The following ZFPM2 variants were observed in gnomAD, a reference collection of about 807,000 sequenced individuals.
ZFPM2 encodes the protein zinc finger protein, FOG family member 2, also known as zinc finger protein ZFPM2.
ZFPM2 carries 20 observed loss-of-function variants against 98.6 expected under a neutral mutation model. That is an observed-to-expected ratio of 0.20 (90% CI 0.14 to 0.29). ZFPM2 has a LOEUF of 0.29. Among genes scored for constraint, ZFPM2 ranks in the 10% least tolerant of loss-of-function variants. The pLI is 1.00. For synonymous variants in ZFPM2, 518 were observed against 502.7 expected (o/e 1.03, Z -0.41); for missense variants, 1,310 against 1,388.6 (o/e 0.94, Z 0.90).
rs1371344490 is a variant in ZFPM2 at position 105,554,750 on chromosome 8, T to G, written c.302-6613T>G. Among the ~76,000 whole-genome samples the G allele has an allele frequency of 2.6e-5, 4 of 152,220 alleles. No homozygotes were observed. In the East Asian group the frequency reaches 5.8e-4, roughly 22 times the overall value. On this transcript the variant is annotated intron_variant, in intron 3 of 7. Coordinates refer to ENST00000407775, the MANE Select transcript of ZFPM2 (RefSeq NM_012082.4). The stretch of plus-strand genomic sequence containing the variant: ...ATCTGAGCCTTGAGTTAAGGGTCGT[T>G]CTGTAATTACCTTATATGTTTATAT...
At chr8:105,459,753 T>G (rs1250200013) in intron 3 of ZFPM2, among the ~76,000 whole-genome samples, 4 of 152,170 alleles carry the variant, frequency 2.6e-5, no homozygotes, top group African/African-American at 9.7e-5. Flanking sequence ...CCTCTCCTTA[T>G]GATCTCATTT....
At chr8:105,613,139 A>G (rs1472959251) in intron 4 of ZFPM2, among the ~76,000 whole-genome samples, 1 of 152,168 alleles carries the variant, frequency 6.6e-6, no homozygotes, top group Non-Finnish European at 1.5e-5. Flanking sequence ...AGCAGGCAAA[A>G]TAGGTGATTG....
intron 5 of ZFPM2, among the ~76,000 whole-genome samples, chr8:105,649,064 T>C (rs1446591316): frequency 6.6e-6 from 1 of 152,170 alleles, no homozygotes; most frequent in Non-Finnish European, 1.5e-5. Flanking sequence ...TGAGCAGTGG[T>C]TTGTAGTTCT....
chr8:105,385,347 T>C (rs1312536507), intron 1 of ZFPM2, among the ~76,000 whole-genome samples: 2 of 152,196 alleles, frequency 1.3e-5, no homozygotes, highest in Non-Finnish European at 2.9e-5. Context: ...GTAGTGGAAA[T>C]ATTTGGGCTT....
rs1009557275 is a variant in ZFPM2, at chr8:105,802,754, A to G, written c.2672A>G (p.Asp891Gly). The stretch of plus-strand genomic sequence containing the variant: ...CAGCGTAATGACCTGGGTCAACTGG[A>G]CGGCAAAGTGTTTCCGAATCCAGAA... ...AHQRNDLGQL[D>G]GKVFPNPESE... The change falls in exon 8 of 8, where the codon GAC (aspartate) becomes GGC (glycine). Residue 891 changes from aspartate (D) to glycine (G), a missense_variant. Coordinates refer to ENST00000407775, the MANE Select transcript of ZFPM2 (RefSeq NM_012082.4). The G allele has an allele frequency of 4.3e-6, 7 of 1,613,616 alleles. No homozygotes were observed. Among genetic ancestry groups the G allele is most frequent in the Non-Finnish European group, 5.9e-6 (7 of 1,179,782 alleles).
chr8:105,548,142 A>G (rs4734122), intron 3 of ZFPM2, among the ~76,000 whole-genome samples: 103,128 of 151,690 alleles, frequency 0.68, 36,685 homozygotes, highest in African/African-American at 0.92. Flanking sequence ...ATAGGAATAA[A>G]TGGTGAAAAG....
At position 105,511,881 on chromosome 8, in the gene ZFPM2, C is replaced by T. The variant is rs1586427046; in HGVS notation, c.302-49482C>T. ...GCACCACAGGTCAGACGGGGTGGTTCGTGCCTGTAATCCCAGCACTTTGGG... is the reference window on the plus strand; with the variant it reads ...GCACCACAGGTCAGACGGGGTGGTTTGTGCCTGTAATCCCAGCACTTTGGG... On this transcript the variant is annotated intron_variant, in intron 3 of 7. Coordinates refer to ENST00000407775, the MANE Select transcript of ZFPM2 (RefSeq NM_012082.4). Among the ~76,000 whole-genome samples the T allele has an allele frequency of 3.3e-5, 5 of 152,274 alleles. No homozygotes were observed. In the South Asian group the frequency reaches 8.3e-4, roughly 25 times the overall value.
chr8:105,529,423 G>A (rs1409793284), intron 3 of ZFPM2, among the ~76,000 whole-genome samples: 1 of 151,992 alleles, frequency 6.6e-6, no homozygotes, highest in Non-Finnish European at 1.5e-5. Flanking sequence ...TATACTATAT[G>A]TACATTATTA....
intron 3 of ZFPM2, among the ~76,000 whole-genome samples, chr8:105,485,082 CTT>C (rs1022381677): frequency 1.3e-5 from 2 of 152,162 alleles, no homozygotes; most frequent in Non-Finnish European, 2.9e-5. Context: ...TCCCTGGTAA[CTT>C]TATACATTGG....
chr8:105,398,137 A>G (rs967739164), intron 1 of ZFPM2, among the ~76,000 whole-genome samples: 3 of 152,204 alleles, frequency 2.0e-5, no homozygotes, highest in African/African-American at 4.8e-5. Flanking sequence ...AACTTTACTT[A>G]GATCATTCAT....
At chr8:105,406,865 CATA>C (rs1288149933) in intron 1 of ZFPM2, among the ~76,000 whole-genome samples, 1 of 151,922 alleles carries the variant, frequency 6.6e-6, no homozygotes, top group Non-Finnish European at 1.5e-5. Flanking sequence ...TAGTAGGCAC[CATA>C]ATATTTTTCT....
At chr8:105,403,300 A>G (rs1811375687) in intron 1 of ZFPM2, among the ~76,000 whole-genome samples, 3 of 151,952 alleles carry the variant, frequency 2.0e-5, no homozygotes, top group Admixed American at 2.0e-4. Flanking sequence ...CAGCTCTATA[A>G]TCCGTCTTCC....
At chr8:105,527,593 C>T (rs1276389597) in intron 3 of ZFPM2, among the ~76,000 whole-genome samples, 5 of 152,156 alleles carry the variant, frequency 3.3e-5, no homozygotes, top group Admixed American at 6.5e-5. Context: ...GGCAGAATGC[C>T]CTTTTTGTAG....
intron 5 of ZFPM2, among the ~76,000 whole-genome samples, chr8:105,655,522 C>T (rs6983803): frequency 0.48 from 72,627 of 151,964 alleles, 17,655 homozygotes; most frequent in African/African-American, 0.57. Flanking sequence ...TCAGCCACCA[C>T]CCCCAGCCTG....
chr8:105,652,049 T>G (rs1340081227), intron 5 of ZFPM2, among the ~76,000 whole-genome samples: 4 of 151,932 alleles, frequency 2.6e-5, no homozygotes, highest in Non-Finnish European at 5.9e-5. Flanking sequence ...AAAACCTACA[T>G]AGATGCAAAA....
chr8:105,378,700 A>C (rs1810780944), intron 1 of ZFPM2, among the ~76,000 whole-genome samples: 1 of 152,150 alleles, frequency 6.6e-6, no homozygotes, highest in Admixed American at 6.5e-5. Context: ...ACTGTTGGGG[A>C]GGTTTTATTT....
At chr8:105,671,293 G>C (rs1817589058) in intron 5 of ZFPM2, among the ~76,000 whole-genome samples, 1 of 151,702 alleles carries the variant, frequency 6.6e-6, no homozygotes, top group East Asian at 1.9e-4. Context: ...ATTTAAGTAG[G>C]TTAAAATGTT....
At chr8:105,513,310 G>A (rs562754475) in intron 3 of ZFPM2, among the ~76,000 whole-genome samples, 1 of 152,270 alleles carries the variant, frequency 6.6e-6, no homozygotes, top group East Asian at 1.9e-4. Context: ...TCCTCAGGTA[G>A]CGAAATACCT....
intron 1 of ZFPM2, chr8:105,418,448 G>A (rs1383592): frequency 0.24 from 108,123 of 444,802 alleles, 13,914 homozygotes; most frequent in Admixed American, 0.34. Flanking sequence ...TTAATGTAGC[G>A]CACCTCACTC....
Sources: gnomAD v4.1 joint callset for allele counts (sites outside exome capture counted in the v4.1 genomes callset) on GRCh38, gnomAD v4.1.1 for gene constraint, MANE v1.5 for transcripts, NCBI Gene and HGNC (gene_info 2026-07-23, HGNC 2026-07-21) for gene names.